The following KLHL18 variants were observed in gnomAD, a reference collection of about 807,000 sequenced individuals.
KLHL18 encodes kelch like family member 18, also known as kelch-like protein 18.
A neutral mutation model predicts 58.5 loss-of-function variants in KLHL18; 38 were observed. The observed-to-expected ratio is 0.65, with a 90% CI of 0.50 to 0.85. The LOEUF is 0.85. KLHL18 is among the 40% of genes least tolerant of loss of function. The pLI, the probability that KLHL18 is intolerant of heterozygous loss-of-function variation, is 0.00. For synonymous variants in KLHL18, 303 were observed against 301.9 expected (o/e 1.00, Z -0.04); for missense variants, 624 against 778.4 (o/e 0.80, Z 2.36).
At chr3:47,330,397 C>T (rs1703829030) in intron 4 of KLHL18, among the ~76,000 whole-genome samples, 1 of 152,082 alleles carries the variant, frequency 6.6e-6, no homozygotes, top group Admixed American at 6.6e-5. Context: ...TAGCTTACTG[C>T]AGCCTCATCC....
Position 47,343,938 on chromosome 3 carries a change from C to G in KLHL18, c.1722C>G (p.Ile574Met). ...TGGGCTGCATCCCTCTCCTCACCATCTAAGGCAGAGGATGGGATGTGGTGG... is the reference window on the plus strand; with the variant it reads ...TGGGCTGCATCCCTCTCCTCACCATGTAAGGCAGAGGATGGGATGTGGTGG... ...VGVGCIPLLT[I>M] is the part of the protein sequence containing the mutation. Residue 574 changes from isoleucine (I) to methionine (M), a missense_variant, in exon 10 of 10, where the codon ATC becomes ATG. Coordinates refer to ENST00000232766, the MANE Select transcript of KLHL18 (RefSeq NM_025010.5). 6.2e-7 allele frequency: 1 copy of G among 1,613,050 alleles called. No individual in the cohort carries two copies. Among genetic ancestry groups the G allele is most frequent in the Non-Finnish European group, 8.5e-7 (1 of 1,179,950 alleles).
intron 2 of KLHL18, 47 bp downstream of exon 2, chr3:47,319,830 G>T: frequency 1.2e-6 from 2 of 1,604,794 alleles, no homozygotes; most frequent in South Asian, 2.2e-5. Context: ...TCCAAGTGCA[G>T]TTTCAGCCTG....
In KLHL18 at chr3:47,346,775, G is replaced by C. The variant is rs1274233241; in HGVS notation, c.*2834G>C. The C allele has an allele frequency of 2.6e-5, 4 of 152,610 alleles. No individual in the cohort carries two copies. Among genetic ancestry groups the C allele is most frequent in the African/African-American group, 7.2e-5 (3 of 41,432 alleles). 9.5% of individuals were successfully genotyped at this position (152,610 alleles called of 1,614,324 possible). ...TTTATTTATAGAATGCATGTCTTTT[G>C]TGTTAAGAAACCAAAGAGAAATAAA... On this transcript the variant is annotated 3_prime_UTR_variant, in exon 10 of 10. Coordinates refer to ENST00000232766, the MANE Select transcript of KLHL18 (RefSeq NM_025010.5).
intron 3 of KLHL18, among the ~76,000 whole-genome samples, chr3:47,325,777 T>C (rs2107639344): frequency 6.6e-6 from 1 of 151,304 alleles, no homozygotes; most frequent in East Asian, 2.0e-4. Context: ...TTCTTGCTTT[T>C]TTTTTTTTTT....
rs1331299774 is a variant in KLHL18 at position 47,341,908 on chromosome 3, AAAAAAAAAAGGAGAGAGAG to A, written c.1227-803_1227-785del. On this transcript the variant is annotated intron_variant, in intron 8 of 9. Transcript: ENST00000232766. ...ACCCTGTCTCTTTTAAAAAAAAAAA[AAAAAAAAAAGGAGAGAGAG>A]AAAAAAACATTAGCCAGGCATGGTG... 2.0e-5 allele frequency among the ~76,000 whole-genome samples: 3 copies of A among 151,388 alleles called. No individual in the cohort carries two copies. In the South Asian group the frequency reaches 6.5e-4, roughly 33 times the overall value.
chr3:47,314,265 G>C (rs1425333980), intron 1 of KLHL18, among the ~76,000 whole-genome samples: 1 of 152,096 alleles, frequency 6.6e-6, no homozygotes, highest in Non-Finnish European at 1.5e-5. Flanking sequence ...ATCCCAAAGA[G>C]CTAGGATTAA....
intron 3 of KLHL18, among the ~76,000 whole-genome samples, chr3:47,323,488 T>G (rs1463815679): frequency 6.6e-6 from 1 of 152,260 alleles, no homozygotes; most frequent in African/African-American, 2.4e-5. Flanking sequence ...TATCATTGTA[T>G]GCACTTTTAT....
At chr3:47,299,130 A>G (rs1702958480) in intron 1 of KLHL18, among the ~76,000 whole-genome samples, 1 of 152,210 alleles carries the variant, frequency 6.6e-6, no homozygotes, top group African/African-American at 2.4e-5. Flanking sequence ...TAGCGATATC[A>G]TTTTGCATTC....
intron 4 of KLHL18, among the ~76,000 whole-genome samples, chr3:47,331,960 C>T (rs1313844554): frequency 6.6e-6 from 1 of 152,158 alleles, no homozygotes; most frequent in Non-Finnish European, 1.5e-5. Flanking sequence ...AGCTGGGGCA[C>T]ACGCCCAGGG....
At chr3:47,297,672 G>A in intron 1 of KLHL18, 1 of 449,116 alleles carries the variant, frequency 2.2e-6, no homozygotes, top group Non-Finnish European at 4.5e-6. Flanking sequence ...AAAAAGAAGA[G>A]GTAAAATTCA....
At chr3:47,299,444 C>T (rs1044148032) in intron 1 of KLHL18, among the ~76,000 whole-genome samples, 2 of 151,562 alleles carry the variant, frequency 1.3e-5, no homozygotes, top group African/African-American at 4.9e-5. Flanking sequence ...GATTACCTTC[C>T]ATAATGTGGG....
At chr3:47,317,081 A>G (rs908213286) in intron 1 of KLHL18, among the ~76,000 whole-genome samples, 1 of 152,206 alleles carries the variant, frequency 6.6e-6, no homozygotes, top group African/African-American at 2.4e-5. Context: ...GACATTGTAC[A>G]TAGACCCCTT....
Position 47,319,680 on chromosome 3 carries a change from C to A in KLHL18, c.157C>A (p.Arg53=). 1 of 1,613,744 alleles carries A rather than the reference C, an allele frequency of 6.2e-7. No individual in the cohort carries two copies. Among genetic ancestry groups the A allele is most frequent in the South Asian group, 1.1e-5 (1 of 91,066 alleles). Residue 53 remains arginine (R), a synonymous_variant, in exon 2 of 10, where the codon CGG becomes AGG. Transcript: ENST00000232766. ...TGGGGACCACAAATTCAGTGCCCACCGGATTGTCTTAGCAGCCTCGATCCC... is the reference window on the plus strand; with the variant it reads ...TGGGGACCACAAATTCAGTGCCCACAGGATTGTCTTAGCAGCCTCGATCCC... ...KIGDHKFSAH[R]IVLAASIPYF...
intron 4 of KLHL18, among the ~76,000 whole-genome samples, chr3:47,332,198 A>C (rs754925383): frequency 6.6e-6 from 1 of 151,966 alleles, no homozygotes; most frequent in Non-Finnish European, 1.5e-5. Context: ...AAAAGCACAG[A>C]AGTTAGCCAG....
intron 3 of KLHL18, among the ~76,000 whole-genome samples, chr3:47,326,276 T>A (rs1421585007): frequency 6.6e-6 from 1 of 152,176 alleles, no homozygotes; most frequent in East Asian, 1.9e-4. Flanking sequence ...TGAAATTCTC[T>A]CAGAGGTAGA....
chr3:47,300,321 A>G (rs1702992977), intron 1 of KLHL18, among the ~76,000 whole-genome samples: 1 of 139,548 alleles, frequency 7.2e-6, no homozygotes, highest in Non-Finnish European at 1.6e-5. Flanking sequence ...GTGTGTATAT[A>G]TGTATATGTA....
rs994662487 is a variant in KLHL18, at chr3:47,334,714, C to T, written c.793C>T (p.Leu265Phe). The stretch of plus-strand genomic sequence containing the variant: ...GGTAGACGAAGCAAAGGACTACCAC[C>T]TCATGCCAGAGCGCCGGCCCCACCT... ...DLVDEAKDYH[L>F]MPERRPHLPA... is the part of the protein sequence containing the mutation. Residue 265 changes from leucine to phenylalanine, a missense_variant, in exon 6 of 10, where the codon CTC becomes TTC. Physicochemically the swap from Leu to Phe is conservative, Grantham distance 22. Transcript: ENST00000232766. This position sits in a 1 kb window ranked among gnomAD's most constrained non-coding sequence, Gnocchi z 4.7. 2.5e-6 allele frequency: 4 copies of T among 1,614,152 alleles called. No homozygotes were observed. Among genetic ancestry groups the T allele is most frequent in the Non-Finnish European group, 3.4e-6 (4 of 1,180,028 alleles).
chr3:47,307,541 CTTTTTTT>C (rs58081377), intron 1 of KLHL18, among the ~76,000 whole-genome samples: 1 of 143,572 alleles, frequency 7.0e-6, no homozygotes, highest in Admixed American at 6.9e-5. Context: ...GATTTTTCTT[CTTTTTTT>C]TTTTTTGTAT....
chr3:47,320,076 G>A (rs1358770029), intron 2 of KLHL18, among the ~76,000 whole-genome samples: 1 of 151,372 alleles, frequency 6.6e-6, no homozygotes, highest in East Asian at 1.9e-4. Flanking sequence ...TTTAAGAGTG[G>A]TGGTATATTA....
Sources: allele counts gnomAD v4.1 joint callset (sites outside exome capture counted in the v4.1 genomes callset), GRCh38; gene constraint gnomAD v4.1.1; non-coding constraint Gnocchi (gnomAD v3.1); transcripts MANE v1.5; gene names NCBI Gene and HGNC (gene_info 2026-07-23, HGNC 2026-07-21).